VMA22: variants seen among roughly 807,000 people sequenced by gnomAD.
VMA22 encodes the protein vacuolar ATPase assembly protein VMA22.
At chr2:130,342,340 GCC>G in the VMA22 span, 1 of 823,594 alleles carries the variant, frequency 1.2e-6, no homozygotes, top group Non-Finnish European at 1.9e-6. Context: ...TCTCCAATTA[GCC>G]CCCAAGTGGA....
At chr2:130,339,525 C>T in the VMA22 span, 1 of 1,294,348 alleles carries the variant, frequency 7.7e-7, no homozygotes, top group South Asian at 1.5e-5. Flanking sequence ...CATTTCCTTC[C>T]TTCCCCCATT....
the VMA22 span, chr2:130,341,955 A>G: frequency 6.2e-7 from 1 of 1,613,088 alleles, no homozygotes; most frequent in Non-Finnish European, 8.5e-7. Context: ...CTGCAGGGAG[A>G]GGAAAGCGGT....
At chr2:130,341,105 T>G in the VMA22 span, 1 of 1,479,694 alleles carries the variant, frequency 6.8e-7, no homozygotes, top group Middle Eastern at 1.9e-4. Flanking sequence ...TTGGTGACAA[T>G]GTTGAGCTTG....
the VMA22 span, chr2:130,341,254 C>T: frequency 1.7e-6 from 1 of 598,306 alleles, no homozygotes; most frequent in Non-Finnish European, 2.9e-6. Context: ...CCCGTGACTC[C>T]TGTAAGACCC....
the VMA22 span, chr2:130,339,573 A>G: frequency 7.8e-7 from 1 of 1,283,878 alleles, no homozygotes; most frequent in Non-Finnish European, 1.0e-6. Context: ...CTCTCCCTCC[A>G]CTTCTTTTCT....
chr2:130,342,217 G>A, the VMA22 span: 1 of 1,559,272 alleles, frequency 6.4e-7, no homozygotes, highest in African/African-American at 1.4e-5. Flanking sequence ...CCTCCATCAA[G>A]GGGCGTTCCC....
chr2:130,339,094 C>T, the VMA22 span: 13 of 1,561,818 alleles, frequency 8.3e-6, no homozygotes, highest in East Asian at 2.2e-5. Context: ...CAGCTGTGCT[C>T]GCTGCCCTGC....
At chr2:130,338,639 G>A in the VMA22 span, 1 of 154,268 alleles carries the variant, frequency 6.5e-6, no homozygotes. Flanking sequence ...ACCCTGCCAA[G>A]GGCTGCCCAG....
the VMA22 span, chr2:130,340,810 C>G: frequency 6.8e-7 from 1 of 1,465,682 alleles, no homozygotes; most frequent in African/African-American, 1.4e-5. Context: ...CCTGCAAAGC[C>G]TTTCACAGAC....
chr2:130,339,579 T>A, the VMA22 span: 1 of 1,288,030 alleles, frequency 7.8e-7, no homozygotes, highest in South Asian at 1.3e-5. Context: ...CTCCACTTCT[T>A]TTCTCTGTTA....
the VMA22 span, chr2:130,341,045 G>A: frequency 2.5e-6 from 4 of 1,596,374 alleles, no homozygotes; most frequent in African/African-American, 5.4e-5. Context: ...CAGACCTGAG[G>A]AAAGAAAGGT....
chr2:130,342,578 A>G, the VMA22 span: 43 of 460,648 alleles, frequency 9.3e-5, no homozygotes, highest in African/African-American at 7.8e-4. Context: ...CCAGCCGCTA[A>G]TTATGATTGT....
At chr2:130,341,801 G>GGGCCCCCCCCCCC in the VMA22 span, 11 of 1,378,100 alleles carry the variant, frequency 8.0e-6, no homozygotes, top group African/African-American at 1.5e-5. Context: ...CCTAGAACGC[G>GGGCCCCCCCCCCC]CCCGCCCGCC....
At chr2:130,339,026 G>A in the VMA22 span, 3 of 883,934 alleles carry the variant, frequency 3.4e-6, no homozygotes, top group East Asian at 7.7e-5. Context: ...GCGTGGGGTA[G>A]GGGCAAGAGC....
chr2:130,342,618 T>G, the VMA22 span: 2 of 470,554 alleles, frequency 4.3e-6, no homozygotes, highest in Non-Finnish European at 7.7e-6. Flanking sequence ...AAAACTGCAT[T>G]CTGCACGGCG....
chr2:130,341,227 CTGTT>C, the VMA22 span: 9 of 663,246 alleles, frequency 1.4e-5, no homozygotes, highest in African/African-American at 5.5e-5. Flanking sequence ...TCAGATGAGA[CTGTT>C]TGTCCACTCT....
the VMA22 span, chr2:130,339,544 ATC>A: frequency 7.9e-7 from 1 of 1,268,984 alleles, no homozygotes; most frequent in Non-Finnish European, 1.0e-6. Flanking sequence ...TTATTACAGC[ATC>A]TCTCTGCCCT....
chr2:130,340,914 G>A, the VMA22 span: 16 of 1,613,930 alleles, frequency 9.9e-6, no homozygotes, highest in African/African-American at 1.1e-4. Context: ...TCACCATCCC[G>A]GAAGCTTGCT....
chr2:130,339,724 G>A, the VMA22 span: 39 of 1,304,082 alleles, frequency 3.0e-5, no homozygotes, highest in Middle Eastern at 1.9e-3. Flanking sequence ...TGGATCACTC[G>A]CTCCAGGAAA....
Sources: gnomAD v4.1 joint callset for allele counts on GRCh38, gnomAD v4.1.1 for gene constraint, MANE v1.5 for transcripts, NCBI Gene and HGNC (gene_info 2026-07-23, HGNC 2026-07-21) for gene names.